SYT14: variants seen among roughly 807,000 people sequenced by gnomAD.
SYT14 encodes synaptotagmin-14.
SYT14 carries 32 observed loss-of-function variants against 74.2 expected under a neutral mutation model. That is an observed-to-expected ratio of 0.43 (90% CI 0.33 to 0.58). The LOEUF (loss-of-function observed/expected upper bound fraction) is 0.58. SYT14 is among the 20% of genes least tolerant of loss of function. SYT14 has a pLI of 0.05. For synonymous variants in SYT14, 298 were observed against 337.7 expected (o/e 0.88, Z 1.29); for missense variants, 791 against 981.8 (o/e 0.81, Z 2.60).
Position 210,120,377 on chromosome 1 carries a change from T to TG in SYT14, c.2034+19916_2034+19917insG, listed in dbSNP as rs1558202439. Among the ~76,000 whole-genome samples, 1,106 of 122,530 alleles carry TG rather than the reference T, an allele frequency of 9.0e-3. 7 individuals carry two copies. Among genetic ancestry groups the TG allele is most frequent in the African/African-American group, 0.054 (1,038 of 19,054 alleles). 80.4% of individuals were successfully genotyped at this position (122,530 alleles called of 152,430 possible). A position where few individuals can be genotyped will look rare whatever the true frequency, so the allele number is the denominator to read the frequency against. On this transcript the variant is annotated intron_variant, in intron 7 of 9. Coordinates refer to ENST00000637265, the Ensembl canonical transcript of SYT14. ...TGGTGTTTTTGCTGTTTTTTTTTTT[T>TG]TTGTTTGAGATAGGGTCACTCTGTT... is the stretch of plus-strand genomic sequence containing the variant.
chr1:209,955,945 C>T (rs2078984832), intron 2 of SYT14, among the ~76,000 whole-genome samples: 1 of 152,164 alleles, frequency 6.6e-6, no homozygotes, highest in African/African-American at 2.4e-5. Context: ...TTGGTTAAGT[C>T]AGTTTTCAGA....
At chr1:209,980,257 C>T (rs1331520977) in intron 2 of SYT14, among the ~76,000 whole-genome samples, 1 of 152,028 alleles carries the variant, frequency 6.6e-6, no homozygotes, top group Non-Finnish European at 1.5e-5. Context: ...TGTGTATCTT[C>T]TTTTGAGAAG....
At chr1:210,135,093 A>C (rs1384150149) in intron 7 of SYT14, among the ~76,000 whole-genome samples, 1 of 151,164 alleles carries the variant, frequency 6.6e-6, no homozygotes, top group African/African-American at 2.4e-5. Flanking sequence ...TGATTCTTCT[A>C]CCTCAGCCTC....
intron 2 of SYT14, among the ~76,000 whole-genome samples, chr1:209,973,739 C>T (rs1333224121): frequency 6.6e-6 from 1 of 152,164 alleles, no homozygotes; most frequent in Non-Finnish European, 1.5e-5. Flanking sequence ...AATGGGATGG[C>T]TGGGTCAAAT....
intron 7 of SYT14, among the ~76,000 whole-genome samples, chr1:210,132,952 C>G (rs1426396715): frequency 6.6e-6 from 1 of 152,136 alleles, no homozygotes. Flanking sequence ...CATTTCCACA[C>G]TTTGACTGTC....
At chr1:210,153,122 A>G (rs75589104) in intron 7 of SYT14, among the ~76,000 whole-genome samples, 5,633 of 152,192 alleles carry the variant, frequency 0.037, 618 homozygotes, top group Admixed American at 0.22. Context: ...TGATGGGTAT[A>G]TATGTAGGGG....
intron 2 of SYT14, among the ~76,000 whole-genome samples, chr1:209,963,477 C>T (rs911699843): frequency 6.6e-6 from 1 of 152,080 alleles, no homozygotes; most frequent in Non-Finnish European, 1.5e-5. Context: ...GGGATATATA[C>T]TAAGTAATTT....
At chr1:210,156,661 T>A (rs1042956211) in intron 8 of SYT14, among the ~76,000 whole-genome samples, 1 of 148,622 alleles carries the variant, frequency 6.7e-6, no homozygotes, top group African/African-American at 2.5e-5. Context: ...CTAAAAGAGG[T>A]AAACTGGGAA....
intron 5 of SYT14, among the ~76,000 whole-genome samples, chr1:210,044,910 T>A (rs894398334): frequency 6.6e-6 from 1 of 152,136 alleles, no homozygotes; most frequent in Non-Finnish European, 1.5e-5. Flanking sequence ...TTGGCAGGGA[T>A]GTCCCAGACT....
intron 6 of SYT14, among the ~76,000 whole-genome samples, chr1:210,098,787 T>G (rs2082009835): frequency 6.6e-6 from 1 of 152,024 alleles, no homozygotes; most frequent in Non-Finnish European, 1.5e-5. Context: ...CTCAAGCGAT[T>G]CTCCTGCCTC....
At chr1:210,089,611 A>T (rs1415543165) in intron 5 of SYT14, among the ~76,000 whole-genome samples, 13 of 152,068 alleles carry the variant, frequency 8.5e-5, no homozygotes. Flanking sequence ...TTCTTCTTTG[A>T]TCCATGGATT....
exon 4 of SYT14, chr1:210,016,297 G>A: frequency 8.1e-7 from 1 of 1,232,076 alleles, no homozygotes. Context: ...ATAGAGCAAA[G>A]CAAATAAATA....
chr1:210,016,773 C>G lies in SYT14; in HGVS notation c.770C>G (p.Ser257Ter), dbSNP rs1288345383. The G allele has an allele frequency of 5.7e-6, 7 of 1,231,620 alleles. No individual in the cohort carries two copies. The highest frequency in any genetic ancestry group is 4.2e-5 in the Admixed American group (1 of 23,688). The allele number at this position is 1,231,620 out of a possible 1,614,324, so 76.3% of individuals were successfully genotyped here. A position where few individuals can be genotyped will look rare whatever the true frequency, so the allele number is the denominator to read the frequency against. The change falls in exon 4 of 10, where the codon TCA (serine) becomes TGA (stop). Residue 257 changes from serine to a stop codon, truncating the protein, a stop_gained. Coordinates refer to ENST00000637265, the Ensembl canonical transcript of SYT14. LOFTEE classifies it high-confidence loss of function. ...AAACATCTTCCCGATTTAGGGCATT[C>G]AGATCATTTAAAGAAAGCTGAAAAA...
At chr1:210,159,818 C>G (rs2083337803) in intron 9 of SYT14, among the ~76,000 whole-genome samples, 1 of 151,954 alleles carries the variant, frequency 6.6e-6, no homozygotes, top group East Asian at 1.9e-4. Context: ...CATGATGGAT[C>G]AACATGCTGA....
intron 7 of SYT14, among the ~76,000 whole-genome samples, chr1:210,144,615 G>A (rs1228054210): frequency 6.6e-6 from 1 of 151,920 alleles, no homozygotes; most frequent in Admixed American, 6.6e-5. Context: ...ACTAACCACT[G>A]TTGGAAAACC....
At chr1:210,020,905 TTATATA>T (rs2080287654) in intron 4 of SYT14, 128 bp from the exon 4 acceptor site, 1 of 698,656 alleles carries the variant, frequency 1.4e-6, no homozygotes, top group Admixed American at 2.2e-5. Flanking sequence ...ATGTGTGTGT[TTATATA>T]TATAACTTCA....
chr1:210,099,123 T>C (rs1032552623), intron 6 of SYT14, among the ~76,000 whole-genome samples: 2 of 152,186 alleles, frequency 1.3e-5, no homozygotes, highest in African/African-American at 2.4e-5. Context: ...AAATGAGAAT[T>C]ATTTAAGATT....
intron 7 of SYT14, among the ~76,000 whole-genome samples, chr1:210,115,901 T>C (rs1400000291): frequency 6.6e-6 from 1 of 151,180 alleles, no homozygotes; most frequent in African/African-American, 2.5e-5. Flanking sequence ...AATAAAGCTT[T>C]TTAATCATCT....
At chr1:210,150,024 C>G (rs2083126237) in intron 7 of SYT14, among the ~76,000 whole-genome samples, 1 of 152,150 alleles carries the variant, frequency 6.6e-6, no homozygotes, top group Non-Finnish European at 1.5e-5. Context: ...TAACCTGCCC[C>G]TGTATTATGC....
Sources: gnomAD v4.1 joint callset for allele counts (sites outside exome capture counted in the v4.1 genomes callset) on GRCh38, gnomAD v4.1.1 for gene constraint, MANE v1.5 for transcripts, NCBI Gene and HGNC (gene_info 2026-07-23, HGNC 2026-07-21) for gene names.